TMC5: variants seen among roughly 807,000 people sequenced by gnomAD.
TMC5 encodes the protein transmembrane channel-like protein 5.
A neutral mutation model predicts 110.5 loss-of-function variants in TMC5; 86 were observed. That is an observed-to-expected ratio of 0.78 (90% CI 0.65 to 0.93). The LOEUF is 0.93. Ranked by LOEUF, TMC5 falls within the 40% of genes least tolerant of loss-of-function variation. The pLI, the probability that TMC5 is intolerant of heterozygous loss-of-function variation, is 0.00. For synonymous variants in TMC5, 455 were observed against 439.5 expected, an observed-to-expected ratio of 1.04 and a Z score of -0.44; for missense variants, 1,144 against 1,222.8, an observed-to-expected ratio of 0.94 and a Z score of 0.96.
intron 1 of TMC5, among the ~76,000 whole-genome samples, chr16:19,420,483 C>T (rs1191048163): frequency 6.6e-6 from 1 of 151,178 alleles, no homozygotes; most frequent in Admixed American, 6.6e-5. Flanking sequence ...TCTGTAGAGA[C>T]AGAGTTTCAC....
At chr16:19,471,230 A>G (rs1374115304) in intron 10 of TMC5, among the ~76,000 whole-genome samples, 2 of 152,068 alleles carry the variant, frequency 1.3e-5, no homozygotes, top group Admixed American at 6.6e-5. Flanking sequence ...AGTGGGGACT[A>G]TGGGTGCACA....
intron 1 of TMC5, among the ~76,000 whole-genome samples, chr16:19,421,545 C>G (rs1966982935): frequency 6.6e-6 from 1 of 152,184 alleles, no homozygotes; most frequent in Non-Finnish European, 1.5e-5. Context: ...CATTAAACCT[C>G]TTTTTCTTTA....
intron 2 of TMC5, among the ~76,000 whole-genome samples, chr16:19,436,040 T>G (rs796201720): frequency 3.3e-5 from 5 of 152,106 alleles, no homozygotes; most frequent in African/African-American, 1.2e-4. Context: ...GGTAGGTGTT[T>G]CACCTGAGGT....
At chr16:19,442,596 T>G (rs1434384323) in intron 3 of TMC5, among the ~76,000 whole-genome samples, 1 of 152,204 alleles carries the variant, frequency 6.6e-6, no homozygotes, top group Non-Finnish European at 1.5e-5. Flanking sequence ...CTCAAAATGC[T>G]GGGATTACAG....
chr16:19,487,296 T>G lies in TMC5; in HGVS notation c.2543T>G (p.Val848Gly). The change falls in exon 17 of 22, where the codon GTC (valine) becomes GGC (glycine). Residue 848 changes from valine (V) to glycine (G), a missense_variant. Coordinates refer to ENST00000542583, the MANE Select transcript of TMC5 (RefSeq NM_001261841.2). ...CTCTTTTTCCCATCCTTCACCGGGGTCTTGTGCACCCTGGCCATCACCATC... is the reference window on the plus strand; with the variant it reads ...CTCTTTTTCCCATCCTTCACCGGGGGCTTGTGCACCCTGGCCATCACCATC... ...FLLFFPSFTGVLCTLAITIWR... is the reference protein window; with the variant it reads ...FLLFFPSFTGGLCTLAITIWR... 1 of 1,613,938 alleles carries G rather than the reference T, an allele frequency of 6.2e-7. No homozygotes were observed.
intron 4 of TMC5, among the ~76,000 whole-genome samples, chr16:19,449,051 C>T (rs935845691): frequency 5.9e-5 from 9 of 151,500 alleles, no homozygotes; most frequent in Admixed American, 2.6e-4. Flanking sequence ...TTAGTAGGGA[C>T]GGGGTTAGCC....
At position 19,435,098 on chromosome 16, in the gene TMC5, G is replaced by A. The variant is rs149393759; in HGVS notation, c.-80+4458G>A. On this transcript the variant is annotated intron_variant, in intron 2 of 21. Coordinates refer to ENST00000542583, the MANE Select transcript of TMC5 (RefSeq NM_001261841.2). ...GTATAAGAAAATTGGAAATATTTGT[G>A]AGCCAAAACCCTACCGCTTTTTTCA... 3.0e-3 allele frequency among the ~76,000 whole-genome samples: 463 copies of A among 152,240 alleles called. 3 individuals carry two copies. Among genetic ancestry groups the A allele is most frequent in the African/African-American group, 0.011 (453 of 41,538 alleles).
intron 6 of TMC5, among the ~76,000 whole-genome samples, chr16:19,461,182 A>G (rs1968012243): frequency 6.6e-6 from 1 of 152,188 alleles, no homozygotes; most frequent in Admixed American, 6.5e-5. Flanking sequence ...AATGTAAAAT[A>G]TTAACGGGGA....
chr16:19,462,245 G>C (rs1301338879), intron 6 of TMC5, among the ~76,000 whole-genome samples: 1 of 152,170 alleles, frequency 6.6e-6, no homozygotes, highest in African/African-American at 2.4e-5. Context: ...ATCTTTCTCT[G>C]TTGTGGGGGC....
chr16:19,463,467 C>A, intron 7 of TMC5, 100 bp downstream of exon 7: 2 of 1,041,220 alleles, frequency 1.9e-6, no homozygotes, highest in Non-Finnish European at 3.0e-6. Flanking sequence ...AAAATCAGAG[C>A]AATTTCATTG....
Position 19,434,395 on chromosome 16 carries a change from A to ATATATAATATAGATCTATATATAATATAG in TMC5, c.-80+3755_-80+3756insTATATAATATAGATCTATATATAATATAG, listed in dbSNP as rs1567300681. Among the ~76,000 whole-genome samples, 5 of 6,770 alleles carry ATATATAATATAGATCTATATATAATATAG rather than the reference A, an allele frequency of 7.4e-4. No homozygotes were observed. The South Asian group carries it at 0.069, about 94-fold the overall frequency. 4.4% of individuals were successfully genotyped at this position (6,770 alleles called of 152,430 possible). On this transcript the variant is annotated intron_variant, in intron 2 of 21. Transcript: ENST00000542583. ...ATAGATCTATATATAATATAGATATAATATATATATCATATATATCTATAT... is the reference window on the plus strand; with the variant it reads ...ATAGATCTATATATAATATAGATATATATATAATATAGATCTATATATAATATAGATATATATATCATATATATCTATAT...
chr16:19,481,881 G>T lies in TMC5; in HGVS notation c.2363+416G>T, dbSNP rs552639925. 2.6e-5 allele frequency among the ~76,000 whole-genome samples: 4 copies of T among 152,112 alleles called. No individual in the cohort carries two copies. In the South Asian group the frequency reaches 8.3e-4, roughly 32 times the overall value. The stretch of plus-strand genomic sequence containing the variant: ...GACATGGCCCTTAGGAATAGGATTA[G>T]TGCCCTTATAAACAAGGCCTGAGAG... On this transcript the variant is annotated intron_variant, in intron 15 of 21. Transcript: ENST00000542583.
In TMC5 at chr16:19,487,331, G is replaced by A. The variant is rs1968770601; in HGVS notation, c.2573+5G>A. 6.2e-7 allele frequency: 1 copy of A among 1,610,982 alleles called. No homozygotes were observed. The highest frequency in any genetic ancestry group is 1.3e-5 in the African/African-American group (1 of 74,814). On this transcript the variant is annotated splice_donor_5th_base_variant and intron_variant, in intron 17 of 21. Transcript: ENST00000542583. ...CCTGGCCATCACCATCTGGAGGTAG[G>A]AGAAGGTGGCCTTGGGGGAGGTTTT...
rs545258406 is a variant in TMC5, at chr16:19,471,183, G to A, written c.1783-905G>A. Among the ~76,000 whole-genome samples the A allele has an allele frequency of 7.2e-5, 11 of 152,174 alleles. No homozygotes were observed. In the East Asian group the frequency reaches 1.9e-3, roughly 27 times the overall value. On this transcript the variant is annotated intron_variant, in intron 10 of 21. Coordinates refer to ENST00000542583, the MANE Select transcript of TMC5 (RefSeq NM_001261841.2). ...AATTCACTGCAGTGTCGACCTCCTG[G>A]GATCCAGTTAGCCTCTCCCACCTCA...
chr16:19,480,009 A>C (rs779541542), intron 14 of TMC5, among the ~76,000 whole-genome samples: 21 of 152,098 alleles, frequency 1.4e-4, no homozygotes, highest in Non-Finnish European at 2.9e-4. Context: ...TATCCACTGT[A>C]GATAATTTCA....
intron 9 of TMC5, among the ~76,000 whole-genome samples, chr16:19,468,850 G>A (rs1379721733): frequency 1.3e-5 from 2 of 152,138 alleles, no homozygotes; most frequent in Non-Finnish European, 2.9e-5. Context: ...TGATTAGCTG[G>A]GTGTGGTGGC....
intron 13 of TMC5, 80 bp from the exon 14 acceptor site, chr16:19,479,351 G>A (rs974775974): frequency 2.9e-6 from 3 of 1,044,410 alleles, no homozygotes; most frequent in African/African-American, 1.6e-5. Context: ...GTCCTGATGG[G>A]TACATAGAGC....
intron 1 of TMC5, among the ~76,000 whole-genome samples, chr16:19,420,383 A>G (rs1475365305): frequency 1.3e-5 from 2 of 152,030 alleles, no homozygotes; most frequent in Non-Finnish European, 2.9e-5. Flanking sequence ...AGCTGAGATC[A>G]TGCCACTGCA....
At chr16:19,459,395 G>A (rs1343001847) in intron 5 of TMC5, among the ~76,000 whole-genome samples, 1 of 152,160 alleles carries the variant, frequency 6.6e-6, no homozygotes, top group African/African-American at 2.4e-5. Context: ...TGTACTTCTA[G>A]GAAGGTGGAA....
Sources: allele counts gnomAD v4.1 joint callset (sites outside exome capture counted in the v4.1 genomes callset), GRCh38; gene constraint gnomAD v4.1.1; transcripts MANE v1.5; gene names NCBI Gene and HGNC (gene_info 2026-07-23, HGNC 2026-07-21).